The following ZFPM2 variants were observed in gnomAD, a reference collection of about 807,000 sequenced individuals.
The protein encoded by ZFPM2 is zinc finger protein, FOG family member 2.
Under a neutral mutation model 98.6 loss-of-function variants are expected in ZFPM2, and 20 were observed. The ratio of observed to expected loss-of-function variants is 0.20; its 90% CI spans 0.14 to 0.29. The LOEUF (loss-of-function observed/expected upper bound fraction) is 0.29, where lower values mean the gene tolerates loss of function less well. Among genes scored for constraint, ZFPM2 ranks in the 10% least tolerant of loss-of-function variants. ZFPM2 has a pLI of 1.00. For synonymous variants in ZFPM2, 518 were observed against 502.7 expected (o/e 1.03, Z -0.41); for missense variants, 1,310 against 1,388.6 (o/e 0.94, Z 0.90).
At chr8:105,591,849 A>G (rs72673760) in intron 4 of ZFPM2, among the ~76,000 whole-genome samples, 5 of 152,320 alleles carry the variant, frequency 3.3e-5, no homozygotes, top group Non-Finnish European at 7.3e-5. Flanking sequence ...CAAATTTGGT[A>G]TCCTGAGTCC....
Position 105,336,706 on chromosome 8 carries a change from A to T in ZFPM2, c.40+17725A>T, listed in dbSNP as rs1206508405. On this transcript the variant is annotated intron_variant, in intron 1 of 7. Coordinates refer to ENST00000407775, the MANE Select transcript of ZFPM2 (RefSeq NM_012082.4). ...ATATACTCCACACACACACACACAC[A>T]CACACACACACACACACACACACAG... Among the ~76,000 whole-genome samples, 19 of 151,140 alleles carry T rather than the reference A, an allele frequency of 1.3e-4. No individual in the cohort carries two copies. The East Asian group carries it at 3.1e-3, about 25-fold the overall frequency.
chr8:105,785,595 C>T (rs888363341), intron 5 of ZFPM2, among the ~76,000 whole-genome samples: 4 of 152,168 alleles, frequency 2.6e-5, no homozygotes, highest in South Asian at 4.1e-4. Flanking sequence ...AACCACTTAG[C>T]TTATCAGGCC....
chr8:105,368,365 A>G (rs964751934), intron 1 of ZFPM2, among the ~76,000 whole-genome samples: 43 of 152,144 alleles, frequency 2.8e-4, no homozygotes. Context: ...AGTACTTACT[A>G]TTGATCTTAT....
chr8:105,636,438 T>A (rs567367622), intron 5 of ZFPM2, among the ~76,000 whole-genome samples: 1 of 152,290 alleles, frequency 6.6e-6, no homozygotes, highest in South Asian at 2.1e-4. Flanking sequence ...CACCTTGAAT[T>A]CTCTTCTTGA....
At chr8:105,445,927 CT>C (rs777272173) in intron 3 of ZFPM2, among the ~76,000 whole-genome samples, 71 of 145,596 alleles carry the variant, frequency 4.9e-4, no homozygotes, top group Admixed American at 6.2e-4. Flanking sequence ...TTTCTTTTTT[CT>C]TTTTTTTTTT....
At chr8:105,520,797 A>G (rs1277243970) in intron 3 of ZFPM2, among the ~76,000 whole-genome samples, 1 of 152,088 alleles carries the variant, frequency 6.6e-6, no homozygotes, top group African/African-American at 2.4e-5. Context: ...ATATTTTGTT[A>G]TATGAAGAAG....
chr8:105,604,010 A>C (rs1446084248), intron 4 of ZFPM2, among the ~76,000 whole-genome samples: 1 of 152,004 alleles, frequency 6.6e-6, no homozygotes, highest in Non-Finnish European at 1.5e-5. Flanking sequence ...TCCATGTTAA[A>C]GCCAAATTTA....
chr8:105,347,685 C>T (rs889459753), intron 1 of ZFPM2, among the ~76,000 whole-genome samples: 2 of 151,996 alleles, frequency 1.3e-5, no homozygotes, highest in Non-Finnish European at 2.9e-5. Context: ...AGTGCTTGGC[C>T]CTACCGCACA....
chr8:105,497,065 G>A (rs147743830), intron 3 of ZFPM2, among the ~76,000 whole-genome samples: 5,356 of 150,382 alleles, frequency 0.036, 336 homozygotes, highest in African/African-American at 0.12. Context: ...GGCTCACTGT[G>A]AGCTCCGCCT....
intron 1 of ZFPM2, among the ~76,000 whole-genome samples, chr8:105,336,657 A>G (rs1812329897): frequency 6.6e-6 from 1 of 150,806 alleles, no homozygotes; most frequent in East Asian, 2.0e-4. Flanking sequence ...AACGCTTTAT[A>G]AGATAGATTG....
intron 5 of ZFPM2, among the ~76,000 whole-genome samples, chr8:105,669,602 A>G (rs1452219445): frequency 2.6e-5 from 4 of 151,696 alleles, no homozygotes; most frequent in Non-Finnish European, 5.9e-5. Context: ...GGTTGAATCC[A>G]TCATTGTATT....
chr8:105,394,552 A>T (rs1400756488), intron 1 of ZFPM2, among the ~76,000 whole-genome samples: 3 of 152,196 alleles, frequency 2.0e-5, no homozygotes, highest in Non-Finnish European at 4.4e-5. Flanking sequence ...AGAGCTGAGT[A>T]GGTATAATGT....
At chr8:105,406,963 A>G (rs1341785831) in intron 1 of ZFPM2, among the ~76,000 whole-genome samples, 1 of 151,908 alleles carries the variant, frequency 6.6e-6, no homozygotes. Flanking sequence ...GCCTGACTGC[A>G]AGATAGAACA....
chr8:105,560,787 T>G (rs1379771483), intron 3 of ZFPM2, among the ~76,000 whole-genome samples: 5 of 152,178 alleles, frequency 3.3e-5, no homozygotes, highest in Non-Finnish European at 1.5e-5. Context: ...CTAAAGTATT[T>G]TTTTGGTACA....
intron 1 of ZFPM2, among the ~76,000 whole-genome samples, chr8:105,373,977 A>C (rs1810673690): frequency 6.6e-6 from 1 of 152,212 alleles, no homozygotes; most frequent in African/African-American, 2.4e-5. Context: ...AGAAGGAACG[A>C]ACTAGATATT....
At chr8:105,590,516 T>C (rs1815818179) in intron 4 of ZFPM2, among the ~76,000 whole-genome samples, 1 of 152,242 alleles carries the variant, frequency 6.6e-6, no homozygotes, top group Non-Finnish European at 1.5e-5. Context: ...TTTGGTTTAC[T>C]TCAGGCCATG....
chr8:105,546,198 C>G (rs746048181), intron 3 of ZFPM2, among the ~76,000 whole-genome samples: 2 of 152,034 alleles, frequency 1.3e-5, no homozygotes, highest in African/African-American at 4.8e-5. Context: ...TGGCTAATTG[C>G]GATTATCAAG....
chr8:105,537,618 G>A (rs922976887), intron 3 of ZFPM2, among the ~76,000 whole-genome samples: 8 of 152,176 alleles, frequency 5.3e-5, no homozygotes, highest in African/African-American at 1.9e-4. Flanking sequence ...GGGGTTTGAG[G>A]CTGCACTGAG....
chr8:105,466,240 G>A (rs1209110574), intron 3 of ZFPM2, among the ~76,000 whole-genome samples: 1 of 151,880 alleles, frequency 6.6e-6, no homozygotes, highest in Non-Finnish European at 1.5e-5. Context: ...CTCATCCTTG[G>A]AAAACATCAT....
Sources: gnomAD v4.1 joint callset for allele counts (sites outside exome capture counted in the v4.1 genomes callset) on GRCh38, gnomAD v4.1.1 for gene constraint, MANE v1.5 for transcripts, NCBI Gene and HGNC (gene_info 2026-07-23, HGNC 2026-07-21) for gene names.